PTPRM: variants seen among roughly 807,000 people sequenced by gnomAD.
The protein encoded by PTPRM is receptor-type tyrosine-protein phosphatase mu.
PTPRM carries 47 observed loss-of-function variants against 186.7 expected under a neutral mutation model. The observed-to-expected ratio is 0.25, with a 90% CI of 0.20 to 0.32. The LOEUF (loss-of-function observed/expected upper bound fraction) is 0.32, where lower values mean the gene tolerates loss of function less well. PTPRM is among the 10% of genes least tolerant of loss of function. The probability of loss-of-function intolerance (pLI) is 1.00; values close to 1 mark genes in which losing one functional copy is unlikely to be tolerated. For missense variants in PTPRM, 1,494 were observed against 1,865.0 expected (o/e 0.80, Z 3.66); for synonymous variants, 668 against 674.9 (o/e 0.99, Z 0.16).
chr18:7,712,065 G>A (rs2040225365), intron 1 of PTPRM, among the ~76,000 whole-genome samples: 1 of 152,130 alleles, frequency 6.6e-6, no homozygotes, highest in African/African-American at 2.4e-5. Context: ...CTCCTGACTG[G>A]GAGACACCTC....
intron 7 of PTPRM, among the ~76,000 whole-genome samples, chr18:7,963,836 G>A (rs946234202): frequency 1.3e-5 from 2 of 152,206 alleles, no homozygotes; most frequent in Non-Finnish European, 2.9e-5. Context: ...GGAAAAACAT[G>A]ATTGTTGTTA....
At chr18:8,206,360 T>G (rs543914376) in intron 14 of PTPRM, among the ~76,000 whole-genome samples, 18 of 152,178 alleles carry the variant, frequency 1.2e-4, no homozygotes, top group African/African-American at 4.1e-4. Context: ...GTTCACACCA[T>G]TCTCCTGCCT....
At chr18:7,989,583 G>A (rs1453867670) in intron 7 of PTPRM, among the ~76,000 whole-genome samples, 1 of 152,080 alleles carries the variant, frequency 6.6e-6, no homozygotes, top group African/African-American at 2.4e-5. Context: ...ATGCATATGG[G>A]ATTTATTCAC....
intron 7 of PTPRM, among the ~76,000 whole-genome samples, chr18:7,972,776 A>G (rs921507593): frequency 6.6e-6 from 1 of 152,128 alleles, no homozygotes; most frequent in Non-Finnish European, 1.5e-5. Context: ...ATAGAAGTAT[A>G]TGATGAAGAA....
At chr18:7,875,327 A>AT (rs796334079) in intron 2 of PTPRM, among the ~76,000 whole-genome samples, 16,314 of 143,824 alleles carry the variant, frequency 0.11, 1,241 homozygotes, top group African/African-American at 0.21. Context: ...AACGTGCACC[A>AT]TTTTTTTTTT....
At chr18:7,985,440 T>A (rs1408847737) in intron 7 of PTPRM, among the ~76,000 whole-genome samples, 1 of 133,986 alleles carries the variant, frequency 7.5e-6, no homozygotes, top group Non-Finnish European at 1.5e-5. Context: ...TAGATACGTA[T>A]ATAAATATAT....
chr18:7,821,848 C>T (rs1287580120), intron 2 of PTPRM, among the ~76,000 whole-genome samples: 1 of 152,098 alleles, frequency 6.6e-6, no homozygotes, highest in African/African-American at 2.4e-5. Context: ...CTATCCTGGG[C>T]AGGACAGAGT....
intron 23 of PTPRM, among the ~76,000 whole-genome samples, chr18:8,364,602 T>G (rs1367175990): frequency 1.3e-5 from 2 of 152,174 alleles, no homozygotes; most frequent in African/African-American, 4.8e-5. Flanking sequence ...TGGCAGTGTT[T>G]TTGCTCTCAC....
At chr18:7,916,054 G>A (rs991557056) in intron 4 of PTPRM, among the ~76,000 whole-genome samples, 2 of 151,912 alleles carry the variant, frequency 1.3e-5, no homozygotes, top group Admixed American at 6.6e-5. Context: ...TAAACAGTGT[G>A]TATATATGGA....
At position 8,143,648 on chromosome 18, in the gene PTPRM, A is replaced by G. The variant is rs1300330891; in HGVS notation, c.2169A>G (p.Gly723=). The G allele has an allele frequency of 6.3e-7, 1 of 1,588,978 alleles. No individual in the cohort carries two copies. The highest frequency in any genetic ancestry group is 1.1e-5 in the South Asian group (1 of 90,560). Residue 723 remains glycine (G), a splice_region_variant and synonymous_variant, in exon 14 of 33, where the codon GGA becomes GGG. Transcript: ENST00000580170. ...TTTTTCATTTCCTTTCATCTTCAGG[A>G]GCTGCCACTCCGAAACCAGTCCCAG... ...KIDCVQVATK[G]AATPKPVPEP...
At chr18:8,278,579 A>G (rs1040251968) in intron 19 of PTPRM, among the ~76,000 whole-genome samples, 1 of 152,216 alleles carries the variant, frequency 6.6e-6, no homozygotes. Flanking sequence ...AGACCTGATC[A>G]CATTATACAT....
chr18:8,151,560 G>T (rs958948908), intron 14 of PTPRM, among the ~76,000 whole-genome samples: 1 of 148,498 alleles, frequency 6.7e-6, no homozygotes, highest in East Asian at 2.0e-4. Context: ...CAAGCCAATG[G>T]ATCTAAGTTT....
chr18:7,968,317 G>A (rs1236733180), intron 7 of PTPRM, among the ~76,000 whole-genome samples: 1 of 146,122 alleles, frequency 6.8e-6, no homozygotes, highest in Non-Finnish European at 1.5e-5. Context: ...CGCTAAACAT[G>A]GAAAGGAACA....
At chr18:7,882,529 G>A (rs1419904097) in intron 2 of PTPRM, among the ~76,000 whole-genome samples, 3 of 152,034 alleles carry the variant, frequency 2.0e-5, no homozygotes, top group African/African-American at 4.8e-5. Flanking sequence ...TTAAAGGCAT[G>A]GTCATACAAG....
intron 7 of PTPRM, among the ~76,000 whole-genome samples, chr18:8,029,665 C>T (rs1272016000): frequency 6.6e-6 from 1 of 152,184 alleles, no homozygotes; most frequent in African/African-American, 2.4e-5. Flanking sequence ...TCATTCTCAG[C>T]AGTTTACATG....
chr18:8,072,219 T>C (rs1452505107), intron 8 of PTPRM, among the ~76,000 whole-genome samples: 1 of 152,182 alleles, frequency 6.6e-6, no homozygotes, highest in Non-Finnish European at 1.5e-5. Context: ...CATGTTTTAA[T>C]AAACAATAAT....
chr18:8,391,789 C>A (rs750220481), intron 31 of PTPRM, among the ~76,000 whole-genome samples: 4 of 152,138 alleles, frequency 2.6e-5, no homozygotes, highest in Admixed American at 2.0e-4. Flanking sequence ...AAGCTGATAT[C>A]CGAACACGAT....
intron 1 of PTPRM, among the ~76,000 whole-genome samples, chr18:7,766,711 C>T (rs2042032487): frequency 6.6e-6 from 1 of 152,208 alleles, no homozygotes; most frequent in Non-Finnish European, 1.5e-5. Flanking sequence ...CCACTCCTTC[C>T]TCCTGCAGGA....
chr18:8,145,390 G>T (rs1453975639), intron 14 of PTPRM, among the ~76,000 whole-genome samples: 1 of 152,028 alleles, frequency 6.6e-6, no homozygotes, highest in African/African-American at 2.4e-5. Context: ...TGTTACATAG[G>T]TATACACGTG....
Sources: allele counts gnomAD v4.1 joint callset (sites outside exome capture counted in the v4.1 genomes callset), GRCh38; gene constraint gnomAD v4.1.1; transcripts MANE v1.5; gene names NCBI Gene and HGNC (gene_info 2026-07-23, HGNC 2026-07-21).